Variants in OTUD7B observed in about 807,000 individuals in gnomAD.
OTUD7B encodes OTU deubiquitinase 7B, also known as OTU domain-containing protein 7B.
A neutral mutation model predicts 82.2 loss-of-function variants in OTUD7B; 34 were observed. The ratio of observed to expected loss-of-function variants is 0.41; its 90% CI spans 0.31 to 0.55. The LOEUF (loss-of-function observed/expected upper bound fraction) is 0.55. OTUD7B is among the 20% of genes least tolerant of loss of function. The pLI is 0.20. For missense variants in OTUD7B, 944 were observed against 1,062.1 expected (o/e 0.89, Z 1.55); for synonymous variants, 398 against 402.7 (o/e 0.99, Z 0.14).
At chr1:150,024,831 T>C in the OTUD7B span, among the ~76,000 whole-genome samples, 2 of 152,034 alleles carry the variant, frequency 1.3e-5, no homozygotes, top group Admixed American at 6.6e-5. Context: ...GCGGATCTCT[T>C]GAGGTCAGGA....
upstream of OTUD7B, among the ~76,000 whole-genome samples, chr1:150,011,685 G>A (rs187320480): frequency 3.2e-4 from 48 of 152,134 alleles, no homozygotes; most frequent in Non-Finnish European, 5.4e-4. Flanking sequence ...AACACAAAAC[G>A]ATGCCAACCC....
the OTUD7B span, among the ~76,000 whole-genome samples, chr1:150,043,208 T>C: frequency 6.6e-6 from 1 of 152,160 alleles, no homozygotes; most frequent in Non-Finnish European, 1.5e-5. Flanking sequence ...GATGAGTTTA[T>C]TCTAGCACGC....
chr1:150,042,169 T>C, the OTUD7B span, among the ~76,000 whole-genome samples: 2 of 114,466 alleles, frequency 1.7e-5, no homozygotes, highest in Non-Finnish European at 3.4e-5. Context: ...CTTCCTTCCT[T>C]CCTCCCTCCC....
the OTUD7B span, among the ~76,000 whole-genome samples, chr1:150,030,249 T>C: frequency 2.0e-5 from 3 of 152,190 alleles, no homozygotes; most frequent in African/African-American, 7.2e-5. Context: ...ACTTAGAAAA[T>C]TGAGGCCTTG....
At chr1:150,052,236 T>C in the OTUD7B span, among the ~76,000 whole-genome samples, 1 of 152,212 alleles carries the variant, frequency 6.6e-6, no homozygotes, top group African/African-American at 2.4e-5. Context: ...AAACTATTTC[T>C]GTTTGCAGAC....
chr1:149,984,373 A>G (rs1650991548), intron 1 of OTUD7B, among the ~76,000 whole-genome samples: 1 of 152,224 alleles, frequency 6.6e-6, no homozygotes, highest in African/African-American at 2.4e-5. Context: ...GCTTCTGCAG[A>G]AAGAGAATGG....
the OTUD7B span, among the ~76,000 whole-genome samples, chr1:150,045,551 C>G: frequency 1.3e-5 from 2 of 151,928 alleles, no homozygotes; most frequent in Non-Finnish European, 2.9e-5. Context: ...AAAATTGAGA[C>G]CAAAAAAAGC....
chr1:150,017,309 T>C, the OTUD7B span, among the ~76,000 whole-genome samples: 1 of 152,172 alleles, frequency 6.6e-6, no homozygotes, highest in African/African-American at 2.4e-5. Flanking sequence ...CAAGTAACAG[T>C]TTCCCAGGAG....
At position 149,992,872 on chromosome 1, in the gene OTUD7B, C is replaced by G. The variant is rs587764599; in HGVS notation, c.-66-15296G>C. On this transcript the variant is annotated intron_variant, in intron 1 of 11. Transcript: ENST00000581312. ...CTTCTCCTTAGCCAAAAGTGTTGGC[C>G]GGGCATGGTGGCTCACGCCTGTAAT... Among the ~76,000 whole-genome samples the G allele has an allele frequency of 2.0e-5, 3 of 152,000 alleles. No homozygotes were observed. The South Asian group carries it at 6.3e-4, about 32-fold the overall frequency.
At position 149,986,237 on chromosome 1, in the gene OTUD7B, T is replaced by TCACACA. The variant is rs34962941; in HGVS notation, c.-66-8667_-66-8662dup. ...TGAAGTATATTTGTATGGTACCCCA[T>TCACACA]CACACACACACACACACACACACAC... On this transcript the variant is annotated intron_variant, in intron 1 of 11. Coordinates refer to ENST00000581312, the MANE Select transcript of OTUD7B (RefSeq NM_020205.4). Among the ~76,000 whole-genome samples the TCACACA allele has an allele frequency of 7.2e-3, 980 of 136,580 alleles. 7 individuals carry two copies. The highest frequency in any genetic ancestry group is 0.024 in the African/African-American group (838 of 35,334). The allele number at this position is 136,580 out of a possible 152,430, so 89.6% of individuals were successfully genotyped here. A position where few individuals can be genotyped will look rare whatever the true frequency, so the allele number is the denominator to read the frequency against.
the OTUD7B span, among the ~76,000 whole-genome samples, chr1:150,037,725 G>A: frequency 6.6e-6 from 1 of 152,052 alleles, no homozygotes; most frequent in African/African-American, 2.4e-5. Context: ...GCGTAGTTGG[G>A]ATTACAGGTG....
At chr1:149,984,843 C>A (rs1226752226) in intron 1 of OTUD7B, among the ~76,000 whole-genome samples, 1 of 152,180 alleles carries the variant, frequency 6.6e-6, no homozygotes, top group African/African-American at 2.4e-5. Context: ...CACAAATAAT[C>A]TTTCACTAAG....
At chr1:149,949,572 C>A in intron 9 of OTUD7B, 57 bp downstream of exon 9, 1 of 1,562,604 alleles carries the variant, frequency 6.4e-7, no homozygotes, top group Non-Finnish European at 8.8e-7. Flanking sequence ...TACATTAGAT[C>A]TCATTCAATT....
At chr1:149,984,688 T>TA in intron 1 of OTUD7B, among the ~76,000 whole-genome samples, 1 of 152,250 alleles carries the variant, frequency 6.6e-6, no homozygotes, top group South Asian at 2.1e-4. Context: ...ATTCAGTATA[T>TA]AAAAACATGA....
At chr1:150,049,155 A>G in the OTUD7B span, among the ~76,000 whole-genome samples, 1 of 152,086 alleles carries the variant, frequency 6.6e-6, no homozygotes, top group Non-Finnish European at 1.5e-5. Flanking sequence ...AGGTCTAGTA[A>G]ACTTAAATCA....
At position 149,967,284 on chromosome 1, in the gene OTUD7B, A is replaced by C. The variant is rs782711169; in HGVS notation, c.502+10T>G. On this transcript the variant is annotated intron_variant, in intron 4 of 11. Coordinates refer to ENST00000581312, the MANE Select transcript of OTUD7B (RefSeq NM_020205.4). ...GAGGGAAGAGTGTGGGAGAGGAAGCACTCACTGACCTGCCTGTTCCAAGGC... is the reference window on the plus strand; with the variant it reads ...GAGGGAAGAGTGTGGGAGAGGAAGCCCTCACTGACCTGCCTGTTCCAAGGC... The C allele has an allele frequency of 6.3e-7, 1 of 1,593,592 alleles. No individual in the cohort carries two copies. The highest frequency in any genetic ancestry group is 8.6e-7 in the Non-Finnish European group (1 of 1,162,000).
chr1:150,016,446 C>CTTTTCTTTTTTTTTTTTTTTTTTTT, the OTUD7B span, among the ~76,000 whole-genome samples: 2 of 130,062 alleles, frequency 1.5e-5, 1 homozygote. Context: ...TTTCTCTTTT[C>CTTTTCTTTTTTTTTTTTTTTTTTTT]TTTTTCTTTT....
chr1:150,023,300 A>C, the OTUD7B span, among the ~76,000 whole-genome samples: 28 of 152,366 alleles, frequency 1.8e-4, no homozygotes, highest in African/African-American at 6.3e-4. Context: ...ACATATCCAA[A>C]GAAATCGAAA....
chr1:149,971,033 T>C, intron 3 of OTUD7B, 30 bp downstream of exon 3: 3 of 1,516,624 alleles, frequency 2.0e-6, no homozygotes, highest in South Asian at 1.2e-5. Context: ...TCCTACTCCA[T>C]ATACGGAAAC....
Sources: gnomAD v4.1 joint callset for allele counts (sites outside exome capture counted in the v4.1 genomes callset) on GRCh38, gnomAD v4.1.1 for gene constraint, MANE v1.5 for transcripts, NCBI Gene and HGNC (gene_info 2026-07-23, HGNC 2026-07-21) for gene names.